ARID4B: variants seen among roughly 807,000 people sequenced by gnomAD.
The protein encoded by ARID4B is AT-rich interaction domain 4B.
A neutral mutation model predicts 147.5 loss-of-function variants in ARID4B; 26 were observed. That is an observed-to-expected ratio of 0.18 (90% CI 0.13 to 0.24). ARID4B has a LOEUF of 0.24. Among genes scored for constraint, ARID4B ranks in the 10% least tolerant of loss-of-function variants. The pLI, the probability that ARID4B is intolerant of heterozygous loss-of-function variation, is 1.00. For synonymous variants in ARID4B, 512 were observed against 507.9 expected, an observed-to-expected ratio of 1.01 and a Z score of -0.11; for missense variants, 1,179 against 1,511.5, an observed-to-expected ratio of 0.78 and a Z score of 3.65.
chr1:235,300,131 C>G (rs929669701), intron 2 of ARID4B, among the ~76,000 whole-genome samples: 2 of 152,124 alleles, frequency 1.3e-5, no homozygotes, highest in Non-Finnish European at 2.9e-5. Context: ...AAAACAGGCT[C>G]TGGGCCAGGC....
chr1:235,169,476 C>T (rs1397794112), intron 23 of ARID4B, among the ~76,000 whole-genome samples: 1 of 152,024 alleles, frequency 6.6e-6, no homozygotes, highest in African/African-American at 2.4e-5. Context: ...CTCCTGACCT[C>T]ATGATCCGCC....
At chr1:235,305,199 C>T (rs1427248407) in intron 2 of ARID4B, among the ~76,000 whole-genome samples, 1 of 152,114 alleles carries the variant, frequency 6.6e-6, no homozygotes, top group African/African-American at 2.4e-5. Flanking sequence ...AGGCTGCTGG[C>T]TTTGAAAATA....
intron 2 of ARID4B, among the ~76,000 whole-genome samples, chr1:235,309,022 G>C (rs962220091): frequency 7.6e-5 from 11 of 144,250 alleles, no homozygotes; most frequent in African/African-American, 2.6e-4. Flanking sequence ...TCCCATCTAG[G>C]AAGTGAGGAG....
intron 7 of ARID4B, among the ~76,000 whole-genome samples, chr1:235,243,889 G>A (rs1020971854): frequency 2.0e-5 from 3 of 152,008 alleles, no homozygotes; most frequent in African/African-American, 7.2e-5. Flanking sequence ...TTTTATCAAG[G>A]AGGAAATGAA....
At chr1:235,226,514 C>G (rs1019656387) in intron 11 of ARID4B, among the ~76,000 whole-genome samples, 1 of 151,406 alleles carries the variant, frequency 6.6e-6, no homozygotes, top group Non-Finnish European at 1.5e-5. Flanking sequence ...GCACCTGCCA[C>G]CACGCCCAGC....
At chr1:235,296,377 C>T (rs1477123996) in intron 2 of ARID4B, 2 of 152,180 alleles carry the variant, frequency 1.3e-5, no homozygotes, top group Non-Finnish European at 2.9e-5. Flanking sequence ...ACATATTTTT[C>T]ACCATAAAAT....
chr1:235,321,460 A>G (rs1324363239), intron 2 of ARID4B, among the ~76,000 whole-genome samples: 2 of 151,284 alleles, frequency 1.3e-5, no homozygotes, highest in Admixed American at 6.6e-5. Context: ...ATTTCCTAAG[A>G]AAAAAACCTC....
At chr1:235,172,585 A>G in intron 23 of ARID4B, 33 bp downstream of exon 23, 1 of 1,400,156 alleles carries the variant, frequency 7.1e-7, no homozygotes, top group Non-Finnish European at 9.5e-7. Flanking sequence ...CTCAAAATAA[A>G]TAAATAAATA....
chr1:235,197,123 C>CAA (rs936811406), intron 17 of ARID4B, among the ~76,000 whole-genome samples: 1 of 141,760 alleles, frequency 7.1e-6, no homozygotes, highest in African/African-American at 2.6e-5. Flanking sequence ...TTGTTTAAAG[C>CAA]AAAAAAAAAA....
At chr1:235,306,356 A>C (rs982696773) in intron 2 of ARID4B, among the ~76,000 whole-genome samples, 2 of 152,022 alleles carry the variant, frequency 1.3e-5, no homozygotes, top group African/African-American at 4.8e-5. Flanking sequence ...ACAAAAAATT[A>C]GCCAGGCGTG....
At chr1:235,190,742 G>A (rs1665040313) in intron 19 of ARID4B, among the ~76,000 whole-genome samples, 1 of 152,154 alleles carries the variant, frequency 6.6e-6, no homozygotes, top group African/African-American at 2.4e-5. Context: ...ACTAGAGAAT[G>A]TGCTCCACCA....
intron 2 of ARID4B, among the ~76,000 whole-genome samples, chr1:235,300,214 G>A (rs185946606): frequency 1.1e-4 from 17 of 152,238 alleles, no homozygotes; most frequent in African/African-American, 3.9e-4. Context: ...TCAGGAGTCC[G>A]AGAACACCCT....
chr1:235,175,114 A>G (rs1663767314), intron 22 of ARID4B, 70 bp downstream of exon 22: 5 of 1,425,124 alleles, frequency 3.5e-6, no homozygotes, highest in African/African-American at 1.4e-5. Flanking sequence ...TCTAAAAACA[A>G]AAACAAAATA....
At chr1:235,187,078 T>A (rs1216456650) in intron 19 of ARID4B, 3 of 54,742 alleles carry the variant, frequency 5.5e-5, no homozygotes, top group South Asian at 6.1e-4. Flanking sequence ...CATCTTATTC[T>A]TTTTTTTTTT....
intron 17 of ARID4B, among the ~76,000 whole-genome samples, chr1:235,197,080 G>C (rs548098286): frequency 3.4e-4 from 51 of 151,678 alleles, no homozygotes; most frequent in African/African-American, 1.2e-3. Context: ...AATTTCATAG[G>C]GTGCAAATTA....
intron 16 of ARID4B, among the ~76,000 whole-genome samples, chr1:235,216,666 T>C (rs1667108356): frequency 6.6e-6 from 1 of 152,122 alleles, no homozygotes; most frequent in Non-Finnish European, 1.5e-5. Context: ...TTAACAATGT[T>C]ATTGAAAATA....
chr1:235,289,288 T>C (rs1156386196), intron 2 of ARID4B, among the ~76,000 whole-genome samples: 1 of 152,092 alleles, frequency 6.6e-6, no homozygotes, highest in Non-Finnish European at 1.5e-5. Flanking sequence ...CATTAAAAAA[T>C]TGCTCAATGG....
chr1:235,228,740 G>GT (rs1668013470), intron 11 of ARID4B: 1 of 152,084 alleles, frequency 6.6e-6, no homozygotes, highest in Non-Finnish European at 1.5e-5. Context: ...CCGTCTCTCG[G>GT]TTTCATGCCA....
intron 2 of ARID4B, among the ~76,000 whole-genome samples, chr1:235,277,996 T>G (rs988341931): frequency 2.6e-5 from 4 of 152,120 alleles, no homozygotes; most frequent in South Asian, 2.1e-4. Flanking sequence ...CTGAGTATTA[T>G]TCCCCTATCC....
Sources: gnomAD v4.1 joint callset for allele counts (sites outside exome capture counted in the v4.1 genomes callset) on GRCh38, gnomAD v4.1.1 for gene constraint, MANE v1.5 for transcripts, NCBI Gene and HGNC (gene_info 2026-07-23, HGNC 2026-07-21) for gene names.